The following MACROD1 variants were observed in gnomAD, a reference collection of about 807,000 sequenced individuals.
MACROD1 encodes the protein ADP-ribose glycohydrolase MACROD1.
A neutral mutation model predicts 41.4 loss-of-function variants in MACROD1; 31 were observed. The ratio of observed to expected loss-of-function variants is 0.75; its 90% CI spans 0.56 to 1.01. The LOEUF is 1.01. MACROD1 is among the 50% of genes least tolerant of loss of function. MACROD1 has a pLI of 0.00. For missense variants in MACROD1, 473 were observed against 460.0 expected (o/e 1.03, Z -0.26); for synonymous variants, 252 against 203.4 (o/e 1.24, Z -2.03).
chr11:64,143,060 G>C (rs1307749330), intron 3 of MACROD1, among the ~76,000 whole-genome samples: 1 of 129,232 alleles, frequency 7.7e-6, no homozygotes, highest in South Asian at 2.7e-4. Context: ...GCTGCAGTGA[G>C]CCATGATTGC....
At chr11:64,001,815 G>A (rs757811611) in intron 4 of MACROD1, 4 of 695,492 alleles carry the variant, frequency 5.8e-6, no homozygotes, top group Admixed American at 2.0e-5. Flanking sequence ...TGGGAAGTGA[G>A]TGTTCCGAAT....
chr11:64,152,352 A>G lies in MACROD1; in HGVS notation c.340T>C (p.Tyr114His). 2 of 1,614,224 alleles carry G rather than the reference A, an allele frequency of 1.2e-6. No homozygotes were observed. Among genetic ancestry groups the G allele is most frequent in the Non-Finnish European group, 1.7e-6 (2 of 1,180,032 alleles). The change falls in exon 2 of 11, where the codon TAC becomes CAC. Residue 114 changes from tyrosine to histidine, a missense_variant. Coordinates refer to ENST00000255681, the MANE Select transcript of MACROD1 (RefSeq NM_014067.4). ...AGCCTGACAAAGTCCTTGCAGAAGT[A>G]ATGTTCCTCCCGCTGCTTGTCACTC... Reference protein sequence around the residue: ...GLSDKQREEHYFCKDFVRLKK... With the variant: ...GLSDKQREEHHFCKDFVRLKK...
intron 1 of MACROD1, among the ~76,000 whole-genome samples, chr11:64,163,752 G>C (rs1452628787): frequency 6.6e-6 from 1 of 152,260 alleles, no homozygotes; most frequent in African/African-American, 2.4e-5. Context: ...ACCCTCAAGA[G>C]ATGGAGAGAA....
At chr11:64,008,717 G>A (rs1308962333) in intron 4 of MACROD1, among the ~76,000 whole-genome samples, 1 of 152,198 alleles carries the variant, frequency 6.6e-6, no homozygotes, top group Non-Finnish European at 1.5e-5. Flanking sequence ...CGGCATGGGG[G>A]CAGGGGCAGC....
At chr11:64,099,460 G>T (rs1944633233) in intron 3 of MACROD1, among the ~76,000 whole-genome samples, 1 of 152,208 alleles carries the variant, frequency 6.6e-6, no homozygotes, top group Admixed American at 6.5e-5. Flanking sequence ...AAATGGATAG[G>T]TGGAGAGAAA....
At chr11:64,087,099 T>C (rs1261855327) in intron 3 of MACROD1, 1 of 152,146 alleles carries the variant, frequency 6.6e-6, no homozygotes, top group Non-Finnish European at 1.5e-5. Context: ...ACATCCCCAC[T>C]GGTAAATGAT....
At position 64,049,158 on chromosome 11, in the gene MACROD1, T is replaced by C. The variant is rs1022214799; in HGVS notation, c.518-33877A>G. On this transcript the variant is annotated intron_variant, in intron 3 of 10. Transcript: ENST00000255681. ...GAAAAGTGACAGAGCCCCTGAGAGGTCTGGGGGACTTCAGGGCTGAGCCAC... is the reference window on the plus strand; with the variant it reads ...GAAAAGTGACAGAGCCCCTGAGAGGCCTGGGGGACTTCAGGGCTGAGCCAC... 2.6e-5 allele frequency among the ~76,000 whole-genome samples: 4 copies of C among 151,996 alleles called. No homozygotes were observed. The East Asian group carries it at 7.7e-4, about 29-fold the overall frequency.
chr11:64,034,153 C>T (rs1298054681), intron 3 of MACROD1, among the ~76,000 whole-genome samples: 1 of 152,200 alleles, frequency 6.6e-6, no homozygotes, highest in Non-Finnish European at 1.5e-5. Flanking sequence ...AAGGCTTGAA[C>T]ATAATTCCTG....
chr11:64,139,209 CG>C (rs1246168306), intron 3 of MACROD1, among the ~76,000 whole-genome samples: 1 of 152,226 alleles, frequency 6.6e-6, no homozygotes, highest in African/African-American at 2.4e-5. Flanking sequence ...CATCCTCCCC[CG>C]GATCTGCAGC....
chr11:64,118,268 C>T lies in MACROD1; in HGVS notation c.517+32971G>A, dbSNP rs777319814. The T allele has an allele frequency of 5.7e-6, 9 of 1,589,852 alleles. No individual in the cohort carries two copies. Among genetic ancestry groups the T allele is most frequent in the African/African-American group, 1.3e-5 (1 of 74,674 alleles). Reference sequence around the variant, plus strand: ...GGGGCTACCGGGACGGCGGCATCCCCGACATAGACTACTCCTACACATGAT... The same window carrying T: ...GGGGCTACCGGGACGGCGGCATCCCTGACATAGACTACTCCTACACATGAT... On this transcript the variant is annotated intron_variant, in intron 3 of 10. Coordinates refer to ENST00000255681, the MANE Select transcript of MACROD1 (RefSeq NM_014067.4).
chr11:64,124,667 G>C (rs1307015869), intron 3 of MACROD1, among the ~76,000 whole-genome samples: 1 of 151,920 alleles, frequency 6.6e-6, no homozygotes, highest in Non-Finnish European at 1.5e-5. Context: ...CAAAGCCACA[G>C]AGCAAAGCCT....
intron 3 of MACROD1, among the ~76,000 whole-genome samples, chr11:64,057,866 C>A (rs1485489177): frequency 6.6e-6 from 1 of 152,222 alleles, no homozygotes; most frequent in Non-Finnish European, 1.5e-5. Flanking sequence ...GAAACCGAGG[C>A]ACGAATTCGT....
At chr11:64,116,788 C>T in intron 3 of MACROD1, 1 of 1,613,606 alleles carries the variant, frequency 6.2e-7, no homozygotes, top group South Asian at 1.1e-5. Context: ...GACGCCTTCG[C>T]CGACAGCAAA....
At chr11:64,053,859 G>A (rs1943737257) in intron 3 of MACROD1, among the ~76,000 whole-genome samples, 1 of 152,132 alleles carries the variant, frequency 6.6e-6, no homozygotes, top group Non-Finnish European at 1.5e-5. Flanking sequence ...TGGGAGTTAG[G>A]GGCAGGGCTA....
intron 3 of MACROD1, among the ~76,000 whole-genome samples, chr11:64,019,758 C>T (rs1232943382): frequency 1.3e-5 from 2 of 152,142 alleles, no homozygotes; most frequent in South Asian, 2.1e-4. Context: ...TTGAGAGCTG[C>T]CCCGGGCGTG....
rs1945496322 is a variant in MACROD1 at position 64,146,421 on chromosome 11, A to C, written c.517+4818T>G. 6.6e-6 allele frequency among the ~76,000 whole-genome samples: 1 copy of C among 152,170 alleles called. No homozygotes were observed. The highest frequency in any genetic ancestry group is 2.1e-4 in the South Asian group (1 of 4,828). ...TGCACATGGCAGCCCAATTTCATTA[A>C]GACGGATGCGCCATGCTCCTGTGGG... On this transcript the variant is annotated intron_variant, in intron 3 of 10. Transcript: ENST00000255681. The surrounding 1 kb of genome is among the most constrained non-coding windows in gnomAD (Gnocchi z 4.7).
intron 3 of MACROD1, among the ~76,000 whole-genome samples, chr11:64,085,687 C>T (rs1944382016): frequency 3.9e-5 from 6 of 152,174 alleles, no homozygotes; most frequent in Admixed American, 3.9e-4. Flanking sequence ...CGGTCACCCA[C>T]AGACAGGCCC....
In MACROD1 at chr11:63,999,636, C is replaced by T; in HGVS notation, c.786+6G>A. On this transcript the variant is annotated splice_donor_region_variant and intron_variant, in intron 6 of 10. Coordinates refer to ENST00000255681, the MANE Select transcript of MACROD1 (RefSeq NM_014067.4). Reference sequence around the variant, plus strand: ...CTCCCGCCCTCCCCCGCGGGCCGTCCCTCACCACCGAGCGGAGCCGGTGCT... The same window carrying T: ...CTCCCGCCCTCCCCCGCGGGCCGTCTCTCACCACCGAGCGGAGCCGGTGCT... 3 of 1,609,756 alleles carry T rather than the reference C, an allele frequency of 1.9e-6. No individual in the cohort carries two copies. Among genetic ancestry groups the T allele is most frequent in the Non-Finnish European group, 2.5e-6 (3 of 1,178,998 alleles).
chr11:64,092,265 A>G (rs926934268), intron 3 of MACROD1, among the ~76,000 whole-genome samples: 4 of 152,062 alleles, frequency 2.6e-5, no homozygotes, highest in African/African-American at 7.2e-5. Flanking sequence ...AAAATTAAAC[A>G]CGGATGGTTT....
Sources: allele counts gnomAD v4.1 joint callset (sites outside exome capture counted in the v4.1 genomes callset), GRCh38; gene constraint gnomAD v4.1.1; non-coding constraint Gnocchi (gnomAD v3.1); transcripts MANE v1.5; gene names NCBI Gene and HGNC (gene_info 2026-07-23, HGNC 2026-07-21).